CCDC149: variants seen among roughly 807,000 people sequenced by gnomAD.
CCDC149 encodes the protein coiled-coil domain containing 149.
In CCDC149, 45 loss-of-function variants were observed where a neutral mutation model predicts 59.9. The observed-to-expected ratio is 0.75, with a 90% confidence interval of 0.59 to 0.96. CCDC149 has a LOEUF of 0.96. Among genes scored for constraint, CCDC149 ranks in the 40% least tolerant of loss-of-function variants. The pLI is 0.00. For synonymous variants in CCDC149, 245 were observed against 260.6 expected, an observed-to-expected ratio of 0.94 and a Z score of 0.58; for missense variants, 584 against 664.7, an observed-to-expected ratio of 0.88 and a Z score of 1.33.
chr4:24,863,661 A>C (rs900087552), intron 3 of CCDC149, among the ~76,000 whole-genome samples: 9 of 152,220 alleles, frequency 5.9e-5, no homozygotes, highest in African/African-American at 1.9e-4. Flanking sequence ...GCCTCCTATC[A>C]ACTATTAGTT....
At chr4:24,813,355 G>C (rs1195769347) in intron 12 of CCDC149, among the ~76,000 whole-genome samples, 1 of 151,700 alleles carries the variant, frequency 6.6e-6, no homozygotes, top group African/African-American at 2.4e-5. Context: ...ACAGCAGCCT[G>C]AACTGACTAA....
Position 24,959,503 on chromosome 4 carries a change from A to AT in CCDC149, c.-65+20565dup, listed in dbSNP as rs1451503654. Reference sequence around the variant, plus strand: ...GGAGGAAGCAGCACAGAAAAAAAAAATTTGAATAAACGATGGCAAAAATTT... The same window carrying AT: ...GGAGGAAGCAGCACAGAAAAAAAAAATTTTGAATAAACGATGGCAAAAATTT... On this transcript the variant is annotated intron_variant, in intron 1 of 12. Coordinates refer to the CCDC149 transcript ENST00000389609. Among the ~76,000 whole-genome samples the AT allele has an allele frequency of 4.6e-5, 7 of 150,840 alleles. No homozygotes were observed. In the East Asian group the frequency reaches 7.8e-4, roughly 17 times the overall value.
At chr4:24,939,858 A>G (rs956156085) in intron 1 of CCDC149, among the ~76,000 whole-genome samples, 1 of 152,248 alleles carries the variant, frequency 6.6e-6, no homozygotes, top group Admixed American at 6.5e-5. Flanking sequence ...AAGAATAAAA[A>G]GAAACAAACA....
intron 8 of CCDC149, among the ~76,000 whole-genome samples, chr4:24,834,675 C>A (rs1401697808): frequency 6.6e-6 from 1 of 152,192 alleles, no homozygotes; most frequent in Non-Finnish European, 1.5e-5. Context: ...GGTCCCTAAT[C>A]CAGCGTCAGT....
At chr4:24,899,440 C>T (rs1560245145) in intron 1 of CCDC149, among the ~76,000 whole-genome samples, 4 of 152,082 alleles carry the variant, frequency 2.6e-5, no homozygotes, top group Admixed American at 2.6e-4. Context: ...GATGCAGAAG[C>T]CCAGCATGTA....
At position 24,873,671 on chromosome 4, in the gene CCDC149, T is replaced by C; in HGVS notation, c.264+10A>G. On this transcript the variant is annotated intron_variant, in intron 3 of 12. Transcript: ENST00000635206. ...CAATAAAAAAATCTGAGATCAGAAA[T>C]AAGTCTTACCTGTTTCCTTTTTTCA... 4 of 1,590,898 alleles carry C rather than the reference T, an allele frequency of 2.5e-6. No individual in the cohort carries two copies. The South Asian group carries it at 4.4e-5, about 18-fold the overall frequency.
At chr4:24,824,082 T>A (rs570606830) in intron 9 of CCDC149, among the ~76,000 whole-genome samples, 1 of 152,328 alleles carries the variant, frequency 6.6e-6, no homozygotes, top group South Asian at 2.1e-4. Context: ...GGCTGCTTCT[T>A]GGAAACAAAA....
At chr4:24,859,772 C>T (rs1321892751) in intron 3 of CCDC149, among the ~76,000 whole-genome samples, 2 of 152,170 alleles carry the variant, frequency 1.3e-5, no homozygotes, top group East Asian at 3.8e-4. Flanking sequence ...AATCAATGTA[C>T]ACAAATCAGT....
intron 1 of CCDC149, among the ~76,000 whole-genome samples, chr4:24,954,346 G>A (rs954932416): frequency 1.2e-4 from 18 of 152,216 alleles, no homozygotes; most frequent in Non-Finnish European, 1.0e-4. Flanking sequence ...AGGTCTCAGG[G>A]ATGGCCCTGC....
chr4:24,927,548 A>C (rs185667956), intron 1 of CCDC149, among the ~76,000 whole-genome samples: 1 of 152,390 alleles, frequency 6.6e-6, no homozygotes, highest in East Asian at 1.9e-4. Flanking sequence ...CTTCATAAAA[A>C]TAGTTGTAAC....
chr4:24,875,943 T>C (rs535337319), intron 2 of CCDC149, among the ~76,000 whole-genome samples: 6 of 152,110 alleles, frequency 3.9e-5, no homozygotes, highest in Non-Finnish European at 8.8e-5. Flanking sequence ...CCAAACATGT[T>C]AAATAGAAAA....
intron 12 of CCDC149, among the ~76,000 whole-genome samples, chr4:24,818,037 G>A (rs1577378383): frequency 6.6e-6 from 1 of 152,106 alleles, no homozygotes; most frequent in East Asian, 1.9e-4. Context: ...GATGAAGATG[G>A]GAATAAAGCA....
At chr4:24,816,473 G>A (rs1468795960) in intron 12 of CCDC149, among the ~76,000 whole-genome samples, 1 of 152,042 alleles carries the variant, frequency 6.6e-6, no homozygotes, top group African/African-American at 2.4e-5. Flanking sequence ...AATGTCACAA[G>A]CGTTGAGCTA....
intron 1 of CCDC149, among the ~76,000 whole-genome samples, chr4:24,974,655 C>G (rs1724098677): frequency 6.6e-6 from 1 of 152,184 alleles, no homozygotes; most frequent in Non-Finnish European, 1.5e-5. Flanking sequence ...CTCTACACCC[C>G]CCACACCAGT....
chr4:24,971,616 C>T (rs972543417), intron 1 of CCDC149, among the ~76,000 whole-genome samples: 1 of 152,218 alleles, frequency 6.6e-6, no homozygotes, highest in Non-Finnish European at 1.5e-5. Context: ...CATGTAGAAG[C>T]TGTCTATGAT....
chr4:24,825,250 C>G (rs1314317535), intron 9 of CCDC149, among the ~76,000 whole-genome samples: 2 of 152,196 alleles, frequency 1.3e-5, no homozygotes, highest in Non-Finnish European at 2.9e-5. Flanking sequence ...TGCATACACA[C>G]AAAAACATAC....
intron 1 of CCDC149, among the ~76,000 whole-genome samples, chr4:24,936,724 G>A (rs1196843285): frequency 6.6e-6 from 1 of 152,008 alleles, no homozygotes; most frequent in African/African-American, 2.4e-5. Flanking sequence ...CAGTGGGGAT[G>A]TTACCACTGG....
chr4:24,876,559 T>C lies in CCDC149; in HGVS notation c.202A>G (p.Lys68Glu). ...ACAATCAGCTCTCGGTACTTCTTCT[T>C]CAGTGACTGGTGGCGCTCCCGGAGC... The change falls in exon 2 of 13, where the codon AAG (lysine) becomes GAG (glutamate). Residue 68 changes from lysine (K) to glutamate (E), a missense_variant. Coordinates refer to ENST00000635206, the MANE Select transcript of CCDC149 (RefSeq NM_001330643.2). 1.2e-6 allele frequency: 2 copies of C among 1,614,108 alleles called. No homozygotes were observed. Among genetic ancestry groups the C allele is most frequent in the Non-Finnish European group, 1.7e-6 (2 of 1,179,970 alleles).
At chr4:24,865,017 A>G (rs1190263811) in intron 3 of CCDC149, among the ~76,000 whole-genome samples, 1 of 152,192 alleles carries the variant, frequency 6.6e-6, no homozygotes, top group Non-Finnish European at 1.5e-5. Flanking sequence ...CTCGCCATGG[A>G]AAAGTTATTC....
Sources: allele counts gnomAD v4.1 joint callset (sites outside exome capture counted in the v4.1 genomes callset), GRCh38; gene constraint gnomAD v4.1.1; transcripts MANE v1.5; gene names NCBI Gene and HGNC (gene_info 2026-07-23, HGNC 2026-07-21).